PRELID2: variants seen among roughly 807,000 people sequenced by gnomAD.
The protein encoded by PRELID2 is PRELI domain containing 2, also known as PRELI domain-containing protein 2.
A neutral mutation model predicts 28.4 loss-of-function variants in PRELID2; 25 were observed. The ratio of observed to expected loss-of-function variants is 0.88; its 90% confidence interval spans 0.64 to 1.23. The LOEUF (loss-of-function observed/expected upper bound fraction) is 1.23, where lower values mean the gene tolerates loss of function less well. PRELID2 is among the 50% of genes most tolerant of loss of function. The pLI is 0.00. For synonymous variants in PRELID2, 76 were observed against 71.6 expected (o/e 1.06, Z -0.31); for missense variants, 201 against 214.4 (o/e 0.94, Z 0.39).
At chr5:145,455,827 C>T in the PRELID2 span, among the ~76,000 whole-genome samples, 3 of 152,140 alleles carry the variant, frequency 2.0e-5, no homozygotes, top group Non-Finnish European at 1.5e-5. Context: ...CTGGGTGAGG[C>T]GACACCCCTC....
intron 5 of PRELID2, among the ~76,000 whole-genome samples, chr5:145,771,918 A>G (rs745481486): frequency 1.3e-5 from 2 of 152,078 alleles, no homozygotes; most frequent in Non-Finnish European, 2.9e-5. Flanking sequence ...GGAAGAGATG[A>G]AGGGAGGAAA....
At chr5:145,699,991 TG>T (rs749374112) in intron 1 of PRELID2, among the ~76,000 whole-genome samples, 77 of 152,174 alleles carry the variant, frequency 5.1e-4, no homozygotes, top group Non-Finnish European at 1.0e-3. Flanking sequence ...ATTTCCCAAC[TG>T]AAAAACAATT....
intron 1 of PRELID2, among the ~76,000 whole-genome samples, chr5:145,650,743 T>C (rs1315645294): frequency 6.6e-6 from 1 of 151,912 alleles, no homozygotes; most frequent in African/African-American, 2.4e-5. Flanking sequence ...TTTTAACTTA[T>C]TTTCTGTGAT....
intron 1 of PRELID2, among the ~76,000 whole-genome samples, chr5:145,689,884 G>A (rs1251762479): frequency 1.3e-5 from 2 of 152,080 alleles, no homozygotes; most frequent in Non-Finnish European, 2.9e-5. Context: ...CCAGTGTGGG[G>A]CCCCTTACCA....
the PRELID2 span, among the ~76,000 whole-genome samples, chr5:145,286,507 A>G: frequency 6.6e-6 from 1 of 152,162 alleles, no homozygotes; most frequent in Non-Finnish European, 1.5e-5. Context: ...TAATTTTCCC[A>G]GTCATATTGA....
chr5:145,732,994 C>T (rs1232966822), intron 1 of PRELID2, among the ~76,000 whole-genome samples: 1 of 149,790 alleles, frequency 6.7e-6, no homozygotes, highest in Non-Finnish European at 1.5e-5. Flanking sequence ...CAAGGTCAGT[C>T]TTAGCTTTCA....
intron 1 of PRELID2, among the ~76,000 whole-genome samples, chr5:145,729,531 C>A (rs1199251103): frequency 6.6e-6 from 1 of 151,578 alleles, no homozygotes; most frequent in Non-Finnish European, 1.5e-5. Flanking sequence ...CCATGCCTCA[C>A]CCTCTACATA....
downstream of PRELID2, among the ~76,000 whole-genome samples, chr5:145,754,755 T>C (rs561567947): frequency 6.6e-6 from 1 of 152,290 alleles, no homozygotes; most frequent in East Asian, 1.9e-4. Context: ...TACAAATGCA[T>C]AGCTCATTTT....
At chr5:145,439,050 T>A in the PRELID2 span, among the ~76,000 whole-genome samples, 1 of 152,154 alleles carries the variant, frequency 6.6e-6, no homozygotes, top group African/African-American at 2.4e-5. Context: ...ATGTTGCAGT[T>A]GCTCAAAAAC....
At chr5:145,272,076 G>A in the PRELID2 span, among the ~76,000 whole-genome samples, 1 of 137,574 alleles carries the variant, frequency 7.3e-6, no homozygotes, top group East Asian at 2.0e-4. Flanking sequence ...CATATTGGAT[G>A]GCAACATATT....
At chr5:145,518,538 C>A (rs745540673) in intron 1 of PRELID2, among the ~76,000 whole-genome samples, 3 of 152,166 alleles carry the variant, frequency 2.0e-5, no homozygotes, top group Non-Finnish European at 4.4e-5. Context: ...AAGTGTCTTT[C>A]AGACATCTAA....
the PRELID2 span, among the ~76,000 whole-genome samples, chr5:145,319,436 G>A: frequency 6.6e-6 from 1 of 152,020 alleles, no homozygotes; most frequent in African/African-American, 2.4e-5. Context: ...TGGGAGGCTG[G>A]GGTGGGTGGA....
chr5:145,447,090 T>A, the PRELID2 span, among the ~76,000 whole-genome samples: 1 of 150,176 alleles, frequency 6.7e-6, no homozygotes, highest in South Asian at 2.1e-4. Context: ...AATAAAAATT[T>A]AAAAATAAAA....
chr5:145,233,531 A>G, the PRELID2 span, among the ~76,000 whole-genome samples: 1 of 152,144 alleles, frequency 6.6e-6, no homozygotes, highest in East Asian at 1.9e-4. Flanking sequence ...TTCCTCACTG[A>G]TGTGAGGAAT....
At chr5:145,591,153 G>T (rs574692942) in intron 1 of PRELID2, among the ~76,000 whole-genome samples, 45 of 151,802 alleles carry the variant, frequency 3.0e-4, no homozygotes, top group African/African-American at 8.7e-4. Context: ...AATATTAGCT[G>T]GGCATGGTAG....
chr5:145,650,703 AC>A (rs1209466672), intron 1 of PRELID2, among the ~76,000 whole-genome samples: 1 of 151,870 alleles, frequency 6.6e-6, no homozygotes, highest in African/African-American at 2.4e-5. Context: ...GAGGAAAAAA[AC>A]CTAGAACCTG....
chr5:145,242,153 T>A, the PRELID2 span, among the ~76,000 whole-genome samples: 1 of 152,022 alleles, frequency 6.6e-6, no homozygotes, highest in African/African-American at 2.4e-5. Flanking sequence ...AATGATTTTA[T>A]ATGTGTGTGT....
At chr5:145,232,969 GTA>G in the PRELID2 span, among the ~76,000 whole-genome samples, 11 of 148,240 alleles carry the variant, frequency 7.4e-5, no homozygotes, top group Admixed American at 2.0e-4. Context: ...ATGTATGTAT[GTA>G]TATATATATA....
intron 1 of PRELID2, among the ~76,000 whole-genome samples, chr5:145,635,059 C>T (rs1753982041): frequency 6.6e-6 from 1 of 152,172 alleles, no homozygotes; most frequent in Non-Finnish European, 1.5e-5. Context: ...CACCAGAATG[C>T]TACTATCAAA....
Sources: allele counts gnomAD v4.1 joint callset (sites outside exome capture counted in the v4.1 genomes callset), GRCh38; gene constraint gnomAD v4.1.1; transcripts MANE v1.5; gene names NCBI Gene and HGNC (gene_info 2026-07-23, HGNC 2026-07-21).